PIK3AP1: variants seen among roughly 807,000 people sequenced by gnomAD.
PIK3AP1 encodes phosphoinositide 3-kinase adapter protein 1.
In PIK3AP1, 21 loss-of-function variants were observed where a neutral mutation model predicts 88.1. The ratio of observed to expected loss-of-function variants is 0.24; its 90% CI spans 0.17 to 0.34. The LOEUF is 0.34. Ranked by LOEUF, PIK3AP1 falls within the 10% of genes least tolerant of loss-of-function variation. PIK3AP1 has a pLI of 1.00. For synonymous variants in PIK3AP1, 398 were observed against 400.0 expected (o/e 1.00, Z 0.06); for missense variants, 828 against 1,035.7 (o/e 0.80, Z 2.75).
intron 2 of PIK3AP1, among the ~76,000 whole-genome samples, chr10:96,686,949 TC>T (rs1844077099): frequency 6.6e-6 from 1 of 152,142 alleles, no homozygotes; most frequent in Non-Finnish European, 1.5e-5. Context: ...CGCTCCTTTT[TC>T]CCTCTGTGTT....
At chr10:96,659,514 GAAGTGAA>G (rs370008548) in intron 2 of PIK3AP1, among the ~76,000 whole-genome samples, 1 of 152,136 alleles carries the variant, frequency 6.6e-6, no homozygotes, top group East Asian at 1.9e-4. Flanking sequence ...GAAACACATT[GAAGTGAA>G]AAGTCTACGG....
intron 16 of PIK3AP1, among the ~76,000 whole-genome samples, chr10:96,596,164 G>A (rs1191330364): frequency 6.6e-6 from 1 of 152,148 alleles, no homozygotes; most frequent in East Asian, 1.9e-4. Context: ...ACTTTATGGG[G>A]CCACCATCCA....
intron 14 of PIK3AP1, among the ~76,000 whole-genome samples, chr10:96,605,604 A>G (rs1848989389): frequency 6.6e-6 from 1 of 152,238 alleles, no homozygotes; most frequent in Non-Finnish European, 1.5e-5. Context: ...CTGGTCATGT[A>G]AGTTTATAGG....
intron 2 of PIK3AP1, among the ~76,000 whole-genome samples, chr10:96,662,888 C>CAAAA (rs749898725): frequency 0.037 from 830 of 22,536 alleles, 186 homozygotes; most frequent in Non-Finnish European, 0.044. Context: ...GACTCCGTCT[C>CAAAA]AAAAAAAAAA....
Position 96,648,144 on chromosome 10 carries a change from T to C in PIK3AP1, c.1185+515A>G, listed in dbSNP as rs370048963. ...TGCCTTTCCAGGTGCACAGCTTTAT[T>C]GAGGTTTCTGCTGAAGAAGAAACCA... On this transcript the variant is annotated intron_variant, in intron 7 of 16. Transcript: ENST00000339364. Among the ~76,000 whole-genome samples, 6 of 152,220 alleles carry C rather than the reference T, an allele frequency of 3.9e-5. No homozygotes were observed. In the East Asian group the frequency reaches 7.7e-4, roughly 20 times the overall value.
chr10:96,612,779 T>G (rs1217099571), intron 13 of PIK3AP1, among the ~76,000 whole-genome samples: 1 of 151,596 alleles, frequency 6.6e-6, no homozygotes, highest in Non-Finnish European at 1.5e-5. Context: ...TGTTCTCCAC[T>G]GATTCCTCCC....
At chr10:96,644,223 G>A (rs926100662) in intron 8 of PIK3AP1, among the ~76,000 whole-genome samples, 2 of 152,216 alleles carry the variant, frequency 1.3e-5, no homozygotes, top group East Asian at 3.8e-4. Flanking sequence ...ATCCTGCTAT[G>A]TGTGGGACAG....
chr10:96,629,903 A>C (rs1843216276), intron 8 of PIK3AP1, among the ~76,000 whole-genome samples: 1 of 42,512 alleles, frequency 2.4e-5, no homozygotes, highest in African/African-American at 6.3e-5. Flanking sequence ...CAATAACAAC[A>C]ACAACCAAAA....
At chr10:96,707,827 T>C (rs1310914309) in intron 2 of PIK3AP1, among the ~76,000 whole-genome samples, 1 of 152,238 alleles carries the variant, frequency 6.6e-6, no homozygotes, top group African/African-American at 2.4e-5. Context: ...AAATGAATTA[T>C]ATGCTTTTTC....
intron 2 of PIK3AP1, among the ~76,000 whole-genome samples, chr10:96,659,385 C>T (rs1449348334): frequency 1.3e-5 from 2 of 152,166 alleles, no homozygotes; most frequent in Non-Finnish European, 2.9e-5. Flanking sequence ...TAGTATATCA[C>T]ACAGGTATAA....
intron 2 of PIK3AP1, 122 bp from the exon 3 acceptor site, chr10:96,657,056 A>G (rs1843624849): frequency 2.0e-6 from 2 of 1,010,484 alleles, no homozygotes; most frequent in Non-Finnish European, 2.9e-6. Context: ...AAACCAATAC[A>G]AGCAGAAGGG....
chr10:96,619,979 T>C (rs1843054419), intron 12 of PIK3AP1, among the ~76,000 whole-genome samples: 1 of 152,190 alleles, frequency 6.6e-6, no homozygotes, highest in African/African-American at 2.4e-5. Flanking sequence ...TAAAGTGTGA[T>C]AGTTATGAGG....
rs1165135680 is a variant in PIK3AP1, at chr10:96,673,529, T to C, written c.431-16595A>G. On this transcript the variant is annotated intron_variant, in intron 2 of 16. Coordinates refer to ENST00000339364, the MANE Select transcript of PIK3AP1 (RefSeq NM_152309.3). ...CCGAAAGGCTTCCTCTTTCTTCATC[T>C]CTTTCAGACACTTATAAATGTGCTT... Among the ~76,000 whole-genome samples the C allele has an allele frequency of 2.0e-5, 3 of 152,184 alleles. No homozygotes were observed. The South Asian group carries it at 6.2e-4, about 32-fold the overall frequency.
At chr10:96,675,438 A>T (rs1226584122) in intron 2 of PIK3AP1, among the ~76,000 whole-genome samples, 1 of 152,142 alleles carries the variant, frequency 6.6e-6, no homozygotes, top group Non-Finnish European at 1.5e-5. Flanking sequence ...ATGCTCAGTT[A>T]TTGACTGGGA....
chr10:96,690,955 C>T lies in PIK3AP1; in HGVS notation c.430+18612G>A, dbSNP rs145554625. On this transcript the variant is annotated intron_variant, in intron 2 of 16. Transcript: ENST00000339364. Reference sequence around the variant, plus strand: ...GTAATTCTTCTTCTTGGAGATGACTCATCAGAGAGAATGATGCCAATATTC... The same window carrying T: ...GTAATTCTTCTTCTTGGAGATGACTTATCAGAGAGAATGATGCCAATATTC... 3.3e-3 allele frequency among the ~76,000 whole-genome samples: 501 copies of T among 152,314 alleles called. 8 individuals are homozygous for T. The highest frequency in any genetic ancestry group is 0.029 in the Admixed American group (451 of 15,290).
intron 2 of PIK3AP1, among the ~76,000 whole-genome samples, chr10:96,668,908 T>C (rs1843802749): frequency 6.6e-6 from 1 of 152,128 alleles, no homozygotes; most frequent in Non-Finnish European, 1.5e-5. Flanking sequence ...GACAGGCAGA[T>C]CACTTGAGGT....
At chr10:96,692,750 GA>G (rs1844170983) in intron 2 of PIK3AP1, among the ~76,000 whole-genome samples, 1 of 152,176 alleles carries the variant, frequency 6.6e-6, no homozygotes, top group Non-Finnish European at 1.5e-5. Flanking sequence ...CAGAGCATTT[GA>G]CTGCAGAATT....
intron 1 of PIK3AP1, among the ~76,000 whole-genome samples, chr10:96,713,535 T>C (rs1033806194): frequency 7.4e-6 from 1 of 134,430 alleles, no homozygotes; most frequent in Non-Finnish European, 1.6e-5. Context: ...AAAGCAAAAA[T>C]TAGCCAGGCG....
At chr10:96,701,683 G>A (rs995242363) in intron 2 of PIK3AP1, among the ~76,000 whole-genome samples, 8 of 152,158 alleles carry the variant, frequency 5.3e-5, no homozygotes, top group African/African-American at 1.9e-4. Flanking sequence ...TAAGGAAGGC[G>A]GTAGATTCAG....
Sources: gnomAD v4.1 joint callset for allele counts (sites outside exome capture counted in the v4.1 genomes callset) on GRCh38, gnomAD v4.1.1 for gene constraint, MANE v1.5 for transcripts, NCBI Gene and HGNC (gene_info 2026-07-23, HGNC 2026-07-21) for gene names.